The following ADCK5 variants were observed in gnomAD, a reference collection of about 807,000 sequenced individuals.
ADCK5 encodes aarF domain containing kinase 5, also known as uncharacterized aarF domain-containing protein kinase 5.
A neutral mutation model predicts 64.9 loss-of-function variants in ADCK5; 43 were observed. That is an observed-to-expected ratio of 0.66 (90% confidence interval 0.52 to 0.85). The LOEUF is 0.85. ADCK5 is among the 40% of genes least tolerant of loss of function. The pLI is 0.00. For synonymous variants in ADCK5, 434 were observed against 342.8 expected, an observed-to-expected ratio of 1.27 and a Z score of -2.94; for missense variants, 760 against 810.5, an observed-to-expected ratio of 0.94 and a Z score of 0.76.
At chr8:144,375,847 A>C (rs1398465361) in intron 1 of ADCK5, among the ~76,000 whole-genome samples, 1 of 152,204 alleles carries the variant, frequency 6.6e-6, no homozygotes, top group Non-Finnish European at 1.5e-5. Context: ...GATAAGTGTC[A>C]CCAGGGCCGT....
At chr8:144,374,178 C>A in intron 1 of ADCK5, 71 bp downstream of exon 1, 1 of 1,225,096 alleles carries the variant, frequency 8.2e-7, no homozygotes, top group South Asian at 4.2e-5. Context: ...ACCCGCAAGT[C>A]CCCAGACCCC....
Position 144,391,249 on chromosome 8 carries a change from A to G in ADCK5, c.659A>G (p.His220Arg), listed in dbSNP as rs781829880. Reference protein sequence around the residue: ...SLAQVHRAKLHDGTSVAVKVQ... With the variant: ...SLAQVHRAKLRDGTSVAVKVQ... ...GCACAGGTGCACAGAGCCAAGCTGC[A>G]CGATGGCACCAGCGTGGCTGTGAAG... The change falls in exon 6 of 15, where the codon CAC becomes CGC. Residue 220 changes from histidine (H) to arginine (R), a missense_variant. His to Arg is a conservative substitution (Grantham distance 29, BLOSUM62 0). Around this residue, in one of 2 missense-constraint regions of ADCK5, gnomAD observed 427 missense variants for 518.4 expected, o/e 0.82. Transcript: ENST00000308860. 2.5e-6 allele frequency: 4 copies of G among 1,612,548 alleles called. No homozygotes were observed. The highest frequency in any genetic ancestry group is 3.4e-6 in the Non-Finnish European group (4 of 1,180,018).
At position 144,391,970 on chromosome 8, in the gene ADCK5, T is replaced by A. The variant is rs1323413795; in HGVS notation, c.1044T>A (p.Ala348=). 1.2e-6 allele frequency: 2 copies of A among 1,612,654 alleles called. No homozygotes were observed. The highest frequency in any genetic ancestry group is 3.3e-5 in the Admixed American group (2 of 60,014). Residue 348 remains alanine, a synonymous_variant, in exon 10 of 15, where the codon GCT becomes GCA. Transcript: ENST00000308860. ...CAGAAAAGCTCATCAAGGCCTTTGC[T>A]GAGCAGATATTTTACACCGGCTTCA... ...DIAEKLIKAF[A]EQIFYTGFIH...
rs150421426 is a variant in ADCK5 at position 144,378,868 on chromosome 8, G to A, written c.13-519G>A. On this transcript the variant is annotated intron_variant, in intron 1 of 14. Coordinates refer to ENST00000308860, the MANE Select transcript of ADCK5 (RefSeq NM_174922.5). ...CACTCCAGCCTGGGCGACAGAGTGA[G>A]ACTCCATCTCAGAAAAACAAACAAA... Among the ~76,000 whole-genome samples, 1,196 of 152,056 alleles carry A rather than the reference G, an allele frequency of 7.9e-3. 15 individuals carry two copies. Among genetic ancestry groups the A allele is most frequent in the African/African-American group, 0.028 (1,142 of 41,502 alleles).
At chr8:144,381,245 A>C (rs1819617093) in intron 2 of ADCK5, among the ~76,000 whole-genome samples, 1 of 145,768 alleles carries the variant, frequency 6.9e-6, no homozygotes, top group Non-Finnish European at 1.5e-5. Context: ...CACCTGCCGC[A>C]CTCAGGATTA....
rs1819351427 is a variant in ADCK5, at chr8:144,376,065, C to T, written c.12+1958C>T. Among the ~76,000 whole-genome samples the T allele has an allele frequency of 6.6e-6, 1 of 152,210 alleles. No individual in the cohort carries two copies. The highest frequency in any genetic ancestry group is 2.4e-5 in the African/African-American group (1 of 41,452). On this transcript the variant is annotated intron_variant, in intron 1 of 14. Transcript: ENST00000308860. This position sits in a 1 kb window ranked among gnomAD's most constrained non-coding sequence, Gnocchi z 5.1. ...CCTCTCTGGGCCTTGGGGACCTCTC[C>T]TGTGTGATGGGAATTTCAGAGAGGA... is the stretch of plus-strand genomic sequence containing the variant.
rs1438363504 is a variant in ADCK5 at position 144,392,824 on chromosome 8, C to G, written c.1569C>G (p.Val523=). 7.5e-6 allele frequency: 12 copies of G among 1,592,732 alleles called. No individual in the cohort carries two copies. The highest frequency in any genetic ancestry group is 4.5e-5 in the East Asian group (2 of 44,330). ...TGGCGGGCGCCACGTATCGGGGTGTCTACGGCACCAGCCTCCTGCGCCACG... is the reference window on the plus strand; with the variant it reads ...TGGCGGGCGCCACGTATCGGGGTGTGTACGGCACCAGCCTCCTGCGCCACG... ...SRLAGATYRG[V]YGTSLLRHAK... The change falls in exon 14 of 15, where the codon GTC becomes GTG. Residue 523 remains valine (V), a synonymous_variant. Transcript: ENST00000308860.
At chr8:144,379,335 C>T (rs1468518768) in intron 1 of ADCK5, 52 bp from the exon 2 acceptor site, 21 of 1,391,482 alleles carry the variant, frequency 1.5e-5, no homozygotes, top group Admixed American at 1.2e-4. Context: ...TGGTTGAGGG[C>T]AGGGGCGTGT....
At position 144,379,375 on chromosome 8, in the gene ADCK5, C is replaced by T. The variant is rs1554857682; in HGVS notation, c.13-12C>T. On this transcript the variant is annotated splice_polypyrimidine_tract_variant and intron_variant, in intron 1 of 14. Coordinates refer to ENST00000308860, the MANE Select transcript of ADCK5 (RefSeq NM_174922.5). ...GCCTCGTTCGACCCCACACAATTTCCTCTCTTTGCAGGTGCAGCTCTGTCA... is the reference window on the plus strand; with the variant it reads ...GCCTCGTTCGACCCCACACAATTTCTTCTCTTTGCAGGTGCAGCTCTGTCA... 11 of 1,592,900 alleles carry T rather than the reference C, an allele frequency of 6.9e-6. No homozygotes were observed. The highest frequency in any genetic ancestry group is 2.3e-5 in the East Asian group (1 of 44,082).
chr8:144,379,180 G>A (rs1448372834), intron 1 of ADCK5, among the ~76,000 whole-genome samples: 2 of 152,022 alleles, frequency 1.3e-5, no homozygotes, highest in Admixed American at 6.6e-5. Context: ...TGATCCACCC[G>A]CCTCGGCCTC....
chr8:144,379,840 C>T (rs1196932803), intron 2 of ADCK5, among the ~76,000 whole-genome samples: 2 of 152,060 alleles, frequency 1.3e-5, no homozygotes, highest in African/African-American at 4.8e-5. Context: ...GGAAGAGCAG[C>T]AAGAAGAGAT....
At position 144,391,190 on chromosome 8, in the gene ADCK5, G is replaced by C; in HGVS notation, c.600G>C (p.Glu200Asp). 6 of 1,612,460 alleles carry C rather than the reference G, an allele frequency of 3.7e-6. No homozygotes were observed. The highest frequency in any genetic ancestry group is 5.1e-6 in the Non-Finnish European group (6 of 1,180,012). The change falls in exon 6 of 15, where the codon GAG (glutamate) becomes GAC (aspartate). Residue 200 changes from glutamate to aspartate, a missense_variant. Coordinates refer to ENST00000308860, the MANE Select transcript of ADCK5 (RefSeq NM_174922.5). Reference sequence around the variant, plus strand: ...CCCTCCCCCACGAGCTCTTCCAGGAGTTTGACTACCAGCCAATTGCTGCCG... The same window carrying C: ...CCCTCCCCCACGAGCTCTTCCAGGACTTTGACTACCAGCCAATTGCTGCCG... ...FQALPHELFQ[E>D]FDYQPIAAAS...
At chr8:144,382,900 G>A (rs1329468355) in intron 2 of ADCK5, among the ~76,000 whole-genome samples, 181 bp from the exon 3 acceptor site, 1 of 152,230 alleles carries the variant, frequency 6.6e-6, no homozygotes, top group Non-Finnish European at 1.5e-5. Context: ...TTTGGTGCAG[G>A]GGCATCTGGT....
At chr8:144,380,266 C>T (rs879970510) in intron 2 of ADCK5, among the ~76,000 whole-genome samples, 2 of 150,474 alleles carry the variant, frequency 1.3e-5, no homozygotes, top group Admixed American at 6.6e-5. Context: ...GCTCAGGCAC[C>T]TCCCGCAGTC....
At chr8:144,382,266 G>A (rs1400035246) in intron 2 of ADCK5, among the ~76,000 whole-genome samples, 1 of 144,260 alleles carries the variant, frequency 6.9e-6, no homozygotes, top group Admixed American at 6.9e-5. Context: ...TCAGGCACCT[G>A]CCGCACTCAG....
chr8:144,382,519 C>T (rs1194780704), intron 2 of ADCK5, among the ~76,000 whole-genome samples: 4 of 149,706 alleles, frequency 2.7e-5, no homozygotes, highest in Admixed American at 1.3e-4. Flanking sequence ...CTGTATTCAG[C>T]AAGTATTGGG....
chr8:144,379,400 A>G lies in ADCK5; in HGVS notation c.26A>G (p.His9Arg), dbSNP rs556942945. Reference protein sequence around the residue: MWRPVQLCHFHSALLHSRQ... With the variant: MWRPVQLCRFHSALLHSRQ... ...CTCTCTTTGCAGGTGCAGCTCTGTC[A>G]TTTCCACTCTGCTCTGCTGCACAGC... The change falls in exon 2 of 15, where the codon CAT becomes CGT. Residue 9 changes from histidine (H) to arginine (R), a missense_variant. His to Arg is a conservative substitution (Grantham distance 29). Around this residue, in one of 2 missense-constraint regions of ADCK5, gnomAD observed 427 missense variants for 518.4 expected, o/e 0.82. Transcript: ENST00000308860. The G allele has an allele frequency of 1.2e-6, 2 of 1,607,080 alleles. No homozygotes were observed. The highest frequency in any genetic ancestry group is 2.2e-5 in the South Asian group (2 of 90,188).
upstream of ADCK5, chr8:144,373,710 G>C (rs1458087191): frequency 8.6e-6 from 2 of 233,742 alleles, no homozygotes; most frequent in Non-Finnish European, 8.3e-6. Context: ...CTATAGCACG[G>C]AGTGTTAAAG....
intron 2 of ADCK5, among the ~76,000 whole-genome samples, chr8:144,382,023 T>C (rs1554858381): frequency 2.4e-5 from 3 of 122,962 alleles, no homozygotes; most frequent in African/African-American, 3.8e-5. Context: ...GGGCCGGGTG[T>C]AGAAACAGAT....
Sources: allele counts gnomAD v4.1 joint callset (sites outside exome capture counted in the v4.1 genomes callset), GRCh38; gene constraint gnomAD v4.1.1; regional missense constraint gnomAD v4.1.1; non-coding constraint Gnocchi (gnomAD v3.1); transcripts MANE v1.5; gene names NCBI Gene and HGNC (gene_info 2026-07-23, HGNC 2026-07-21).